MCTP1: variants seen among roughly 807,000 people sequenced by gnomAD.
MCTP1 encodes the protein multiple C2 and transmembrane domain-containing protein 1.
Under a neutral mutation model 120.6 loss-of-function variants are expected in MCTP1, and 69 were observed. The ratio of observed to expected loss-of-function variants is 0.57; its 90% confidence interval spans 0.47 to 0.70. MCTP1 has a LOEUF of 0.70. Ranked by LOEUF, MCTP1 falls within the 30% of genes least tolerant of loss-of-function variation. The probability of loss-of-function intolerance (pLI) is 0.00; values close to 1 mark genes in which losing one functional copy is unlikely to be tolerated. For missense variants in MCTP1, 1,203 were observed against 1,248.8 expected, an observed-to-expected ratio of 0.96 and a Z score of 0.55; for synonymous variants, 529 against 493.1, an observed-to-expected ratio of 1.07 and a Z score of -0.96.
intron 1 of MCTP1, among the ~76,000 whole-genome samples, chr5:95,213,101 A>T (rs1330045173): frequency 6.6e-6 from 1 of 152,148 alleles, no homozygotes; most frequent in Non-Finnish European, 1.5e-5. Flanking sequence ...ACATGATTGT[A>T]TATCTAGAAA....
At chr5:94,959,638 G>A (rs1187111444) in intron 2 of MCTP1, among the ~76,000 whole-genome samples, 1 of 152,124 alleles carries the variant, frequency 6.6e-6, no homozygotes. Flanking sequence ...GACAAACAGA[G>A]AGCCAAATCA....
chr5:94,865,545 A>C (rs1796647739), intron 17 of MCTP1, among the ~76,000 whole-genome samples: 2 of 151,766 alleles, frequency 1.3e-5, no homozygotes, highest in Admixed American at 1.3e-4. Flanking sequence ...GTTTGTAATA[A>C]TGGGATACTG....
chr5:94,945,850 T>C (rs72777307), intron 3 of MCTP1, among the ~76,000 whole-genome samples: 28,739 of 152,174 alleles, frequency 0.19, 3,386 homozygotes, highest in South Asian at 0.3. Flanking sequence ...GAAAGTGTCT[T>C]CTGCAAGGGG....
At chr5:95,236,178 T>G (rs1261882573) in intron 1 of MCTP1, among the ~76,000 whole-genome samples, 1 of 152,168 alleles carries the variant, frequency 6.6e-6, no homozygotes, top group Non-Finnish European at 1.5e-5. Flanking sequence ...TTAATACAAT[T>G]CTTAACTAAT....
At chr5:95,029,132 G>T (rs1473849273) in intron 1 of MCTP1, among the ~76,000 whole-genome samples, 1 of 149,262 alleles carries the variant, frequency 6.7e-6, no homozygotes, top group Admixed American at 6.7e-5. Context: ...CTACAGCCTG[G>T]GTGACAGAGC....
rs189052777 is a variant in MCTP1 at position 95,245,872 on chromosome 5, T to C, written c.720+37984A>G. ...TGGAGAAGAGCAACCCCAAGACACA[T>C]AATTGTCAAATTCACCAAGGTTGAA... On this transcript the variant is annotated intron_variant, in intron 1 of 22. Transcript: ENST00000515393. Among the ~76,000 whole-genome samples the C allele has an allele frequency of 2.7e-3, 416 of 152,066 alleles. 1 individual carries two copies. Among genetic ancestry groups the C allele is most frequent in the African/African-American group, 9.6e-3 (399 of 41,478 alleles).
At chr5:94,779,195 C>T (rs772971792) in intron 18 of MCTP1, 32 bp from the exon 19 acceptor site, 2 of 1,591,594 alleles carry the variant, frequency 1.3e-6, no homozygotes, top group African/African-American at 1.3e-5. Context: ...GTTTTTTGTG[C>T]TCTTAAAGGA....
intron 1 of MCTP1, among the ~76,000 whole-genome samples, chr5:95,224,546 C>T (rs561079413): frequency 1.8e-3 from 269 of 148,930 alleles, no homozygotes; most frequent in African/African-American, 6.4e-3. Flanking sequence ...TTCACTGTGT[C>T]CCCCAGGCTG....
At position 95,003,384 on chromosome 5, in the gene MCTP1, G is replaced by A. The variant is rs549805687; in HGVS notation, c.838+13983C>T. Reference sequence around the variant, plus strand: ...TACAGGATAGTAGCCTAAGAGCAATGGGCTATAGCATATAGCTTTGGTGGT... The same window carrying A: ...TACAGGATAGTAGCCTAAGAGCAATAGGCTATAGCATATAGCTTTGGTGGT... On this transcript the variant is annotated intron_variant, in intron 2 of 22. Transcript: ENST00000515393. Among the ~76,000 whole-genome samples the A allele has an allele frequency of 8.5e-5, 13 of 152,220 alleles. No individual in the cohort carries two copies. In the South Asian group the frequency reaches 2.5e-3, roughly 29 times the overall value.
chr5:94,773,036 T>C (rs1474884682), intron 19 of MCTP1, among the ~76,000 whole-genome samples: 2 of 152,216 alleles, frequency 1.3e-5, no homozygotes, highest in Non-Finnish European at 2.9e-5. Flanking sequence ...ATAGATAGTA[T>C]TTCTGCGGAC....
intron 1 of MCTP1, among the ~76,000 whole-genome samples, chr5:95,164,464 A>T (rs1746096931): frequency 6.6e-6 from 1 of 152,214 alleles, no homozygotes; most frequent in African/African-American, 2.4e-5. Context: ...TGCTTCATAC[A>T]GCAAATTAAT....
At chr5:95,009,056 AAGAGAGAGAGAGAGAGAG>A (rs201724037) in intron 2 of MCTP1, among the ~76,000 whole-genome samples, 4,279 of 129,490 alleles carry the variant, frequency 0.033, 110 homozygotes, top group East Asian at 0.065. Context: ...GAGAGGGAGA[AAGAGAGAGAGAGAGAGAG>A]AGAGAGAGAG....
intron 1 of MCTP1, among the ~76,000 whole-genome samples, chr5:95,070,223 G>A (rs1751790146): frequency 6.6e-6 from 1 of 152,238 alleles, no homozygotes; most frequent in Non-Finnish European, 1.5e-5. Context: ...CACATCTGCA[G>A]TCAGGCTACC....
intron 1 of MCTP1, among the ~76,000 whole-genome samples, chr5:95,245,646 A>C (rs1330792632): frequency 6.6e-6 from 1 of 152,186 alleles, no homozygotes; most frequent in Non-Finnish European, 1.5e-5. Context: ...AGTGAAAAGA[A>C]ATGAACAAAG....
intron 17 of MCTP1, among the ~76,000 whole-genome samples, chr5:94,851,682 CAGTT>C (rs1423551647): frequency 6.6e-6 from 1 of 151,802 alleles, no homozygotes; most frequent in East Asian, 1.9e-4. Context: ...AGATGAAATT[CAGTT>C]AAAGAGGTCA....
rs541190071 is a variant in MCTP1, at chr5:94,768,898, A to C, written c.2610+10212T>G. 2.0e-5 allele frequency among the ~76,000 whole-genome samples: 3 copies of C among 152,312 alleles called. No individual in the cohort carries two copies. In the East Asian group the frequency reaches 5.8e-4, roughly 29 times the overall value. ...CCATTACTGAATATTTAGCCAAAGG[A>C]AAGGAAATCAGTATATTAAAGGGAT... On this transcript the variant is annotated intron_variant, in intron 19 of 22. Transcript: ENST00000515393.
chr5:95,151,562 A>G (rs2152458963), intron 1 of MCTP1, among the ~76,000 whole-genome samples: 1 of 152,264 alleles, frequency 6.6e-6, no homozygotes, highest in Non-Finnish European at 1.5e-5. Context: ...TAGCTTCTGA[A>G]TGGCCATTAT....
At chr5:95,227,191 C>T (rs1219307710) in intron 1 of MCTP1, among the ~76,000 whole-genome samples, 5 of 152,168 alleles carry the variant, frequency 3.3e-5, no homozygotes, top group African/African-American at 1.2e-4. Flanking sequence ...TGTGATTAGG[C>T]TATGTCTCAT....
At chr5:94,919,977 G>A (rs1330738208) in intron 7 of MCTP1, among the ~76,000 whole-genome samples, 2 of 152,128 alleles carry the variant, frequency 1.3e-5, no homozygotes, top group Non-Finnish European at 2.9e-5. Context: ...AATCCTTAGC[G>A]AAATTCTGCT....
Sources: allele counts gnomAD v4.1 joint callset (sites outside exome capture counted in the v4.1 genomes callset), GRCh38; gene constraint gnomAD v4.1.1; transcripts MANE v1.5; gene names NCBI Gene and HGNC (gene_info 2026-07-23, HGNC 2026-07-21).